Variants in FILIP1 observed in about 807,000 individuals in gnomAD.
FILIP1 encodes filamin A interacting protein 1.
FILIP1 carries 61 observed loss-of-function variants against 102.1 expected under a neutral mutation model. The ratio of observed to expected loss-of-function variants is 0.60; its 90% CI spans 0.49 to 0.74. The LOEUF is 0.74. Ranked by LOEUF, FILIP1 falls within the 30% of genes least tolerant of loss-of-function variation. FILIP1 has a pLI of 0.00. For missense variants in FILIP1, 1,314 were observed against 1,441.2 expected (o/e 0.91, Z 1.43); for synonymous variants, 491 against 526.9 (o/e 0.93, Z 0.93).
rs747008532 is a variant in FILIP1 at position 75,313,490 on chromosome 6, C to A, written c.2342G>T (p.Arg781Leu). ...ACTGGGCCTAAGAGCTCTGCTGTAG[C>A]GCTTGGAAAGCTCCAACTCTTTGGT... is the stretch of plus-strand genomic sequence containing the variant. ...NLTKELELSK[R>L]YSRALRPSVN... The change falls in exon 5 of 6, where the codon CGC (arginine) becomes CTC (leucine). Residue 781 changes from arginine (R) to leucine (L), a missense_variant. By Grantham distance (102) the Arg-to-Leu change is moderately radical. Transcript: ENST00000237172. This position sits in a 1 kb window ranked among gnomAD's most constrained non-coding sequence, Gnocchi z 4.2. The A allele has an allele frequency of 1.7e-5, 27 of 1,614,074 alleles. No homozygotes were observed. The highest frequency in any genetic ancestry group is 2.1e-5 in the Non-Finnish European group (25 of 1,180,046).
At chr6:75,351,149 C>G (rs779738107) in intron 4 of FILIP1, among the ~76,000 whole-genome samples, 55 of 152,258 alleles carry the variant, frequency 3.6e-4, no homozygotes, top group Non-Finnish European at 6.3e-4. Flanking sequence ...TCACTGCAAC[C>G]TCTGCCTCCC....
At chr6:75,389,736 A>G (rs1045712096) in intron 2 of FILIP1, among the ~76,000 whole-genome samples, 41 of 151,868 alleles carry the variant, frequency 2.7e-4, no homozygotes, top group African/African-American at 9.2e-4. Context: ...TATCATTTTT[A>G]TTGTGTTTAT....
At chr6:75,404,987 C>A (rs1016948325) in intron 2 of FILIP1, among the ~76,000 whole-genome samples, 3 of 152,148 alleles carry the variant, frequency 2.0e-5, no homozygotes, top group African/African-American at 7.2e-5. Context: ...TTCCCTCTAG[C>A]TACTGTCTTC....
At chr6:75,295,845 G>A (rs776588111) in exon 7 of FILIP1, 57 of 1,089,864 alleles carry the variant, frequency 5.2e-5, no homozygotes, top group Non-Finnish European at 6.7e-5. Context: ...TCATGATTGA[G>A]GGCTGTCCAT....
In FILIP1 at chr6:75,380,215, AAG is replaced by A. The variant is rs1554205739; in HGVS notation, c.277-17300_277-17299del. ...CATAGCCAATTAAAAGGCAAAAAAAAAGAAAGGAAATATTTGTAACAACTATG... is the reference window on the plus strand; with the variant it reads ...CATAGCCAATTAAAAGGCAAAAAAAAAAAGGAAATATTTGTAACAACTATG... On this transcript the variant is annotated intron_variant, in intron 2 of 5. Transcript: ENST00000237172. Among the ~76,000 whole-genome samples the A allele has an allele frequency of 1.4e-4, 22 of 151,832 alleles. No homozygotes were observed. The South Asian group carries it at 4.6e-3, about 32-fold the overall frequency.
chr6:75,428,416 TTGG>T (rs2149704941), intron 1 of FILIP1: 1 of 103,314 alleles, frequency 9.7e-6, no homozygotes, highest in African/African-American at 5.0e-5. Flanking sequence ...TAATAGATTA[TTGG>T]TCACCACCTC....
chr6:75,478,682 C>T (rs1377075985), intron 1 of FILIP1, among the ~76,000 whole-genome samples: 4 of 152,118 alleles, frequency 2.6e-5, no homozygotes, highest in Non-Finnish European at 4.4e-5. Context: ...TCTATAAATT[C>T]GTATGTCCGA....
downstream of FILIP1, among the ~76,000 whole-genome samples, chr6:75,304,495 C>T (rs1167523417): frequency 6.6e-6 from 1 of 152,178 alleles, no homozygotes; most frequent in African/African-American, 2.4e-5. Flanking sequence ...GGATTATAGG[C>T]GTGAGCTACC....
chr6:75,327,271 G>A (rs1450525607), intron 4 of FILIP1, among the ~76,000 whole-genome samples: 1 of 152,072 alleles, frequency 6.6e-6, no homozygotes, highest in Admixed American at 6.6e-5. Context: ...CCTGAATCCA[G>A]TTACTTCTCA....
Position 75,313,086 on chromosome 6 carries a change from G to T in FILIP1, c.2746C>A (p.Pro916Thr). ...GTCGCAGTGCTGTTCTCGTGGTCTG[G>T]TGTCACTCGAATATGCAGGGGCTGG... ...QGQPLHIRVT[P>T]DHENSTATLE... Residue 916 changes from proline (P) to threonine (T), a missense_variant, in exon 5 of 6, where the codon CCA becomes ACA. This residue lies in a region of FILIP1 where 816 missense variants were observed against 913.1 expected (regional missense o/e 0.89). Transcript: ENST00000237172. The surrounding 1 kb of genome is among the most constrained non-coding windows in gnomAD (Gnocchi z 4.2). 7 of 1,614,192 alleles carry T rather than the reference G, an allele frequency of 4.3e-6. No homozygotes were observed. The highest frequency in any genetic ancestry group is 1.1e-5 in the South Asian group (1 of 91,084).
At chr6:75,330,258 C>T (rs1774028763) in intron 4 of FILIP1, among the ~76,000 whole-genome samples, 1 of 152,210 alleles carries the variant, frequency 6.6e-6, no homozygotes, top group Admixed American at 6.5e-5. Flanking sequence ...CTAGTTCCAA[C>T]TCTGATTTCT....
intron 4 of FILIP1, among the ~76,000 whole-genome samples, chr6:75,323,150 T>C (rs1313098682): frequency 6.6e-6 from 1 of 152,236 alleles, no homozygotes; most frequent in Non-Finnish European, 1.5e-5. Flanking sequence ...AATGTGATTT[T>C]TTTTACATTT....
At chr6:75,388,281 T>C (rs1042946451) in intron 2 of FILIP1, among the ~76,000 whole-genome samples, 4 of 152,222 alleles carry the variant, frequency 2.6e-5, no homozygotes, top group African/African-American at 4.8e-5. Context: ...TTGGTTCCTA[T>C]AGGCTTATAG....
intron 1 of FILIP1, among the ~76,000 whole-genome samples, chr6:75,465,981 G>A (rs1026344750): frequency 6.6e-5 from 10 of 151,988 alleles, no homozygotes; most frequent in Admixed American, 3.3e-4. Flanking sequence ...GCTGTTCCTC[G>A]AACTGCCAAG....
intron 4 of FILIP1, among the ~76,000 whole-genome samples, chr6:75,352,011 T>C (rs575680788): frequency 1.3e-5 from 2 of 152,324 alleles, no homozygotes; most frequent in South Asian, 2.1e-4. Flanking sequence ...AAGTCTGGGA[T>C]ATAGTACACA....
rs1773391741 is a variant in FILIP1 at position 75,315,114 on chromosome 6, G to A, written c.718C>T (p.Leu240Phe). 6.2e-7 allele frequency: 1 copy of A among 1,612,100 alleles called. No individual in the cohort carries two copies. Among genetic ancestry groups the A allele is most frequent in the Non-Finnish European group, 8.5e-7 (1 of 1,179,398 alleles). ...AKRLNKLRDE[L>F]VKLKSFALML... is the part of the protein sequence containing the mutation. ...AGTGCAAAGGATTTGAGTTTAACAA[G>A]CTCATCTCTTAGTTTATTGAGTCGT... Residue 240 changes from leucine to phenylalanine, a missense_variant, in exon 5 of 6, where the codon CTT (leucine) becomes TTT (phenylalanine). Leu to Phe is a conservative substitution (Grantham distance 22). This residue lies in a region of FILIP1 where 494 missense variants were observed against 511.2 expected (regional missense o/e 0.97). Transcript: ENST00000237172.
chr6:75,317,741 C>T (rs2149556557), intron 4 of FILIP1, among the ~76,000 whole-genome samples: 1 of 152,312 alleles, frequency 6.6e-6, no homozygotes, highest in South Asian at 2.1e-4. Context: ...TATTCTCTTT[C>T]ACCACATCTT....
chr6:75,479,943 C>A (rs543166782), intron 1 of FILIP1, among the ~76,000 whole-genome samples: 1 of 138,292 alleles, frequency 7.2e-6, no homozygotes, highest in African/African-American at 2.7e-5. Flanking sequence ...TCACAAATTG[C>A]TGTTTGTATT....
chr6:75,375,369 C>T lies in FILIP1; in HGVS notation c.277-12452G>A, dbSNP rs1033594222. Reference sequence around the variant, plus strand: ...ACAACAACTGGCATAAACAGAAGAGCGAGTCTTTGGGGCACACACAACTGT... The same window carrying T: ...ACAACAACTGGCATAAACAGAAGAGTGAGTCTTTGGGGCACACACAACTGT... On this transcript the variant is annotated intron_variant, in intron 2 of 5. Transcript: ENST00000237172. Among the ~76,000 whole-genome samples, 7 of 152,252 alleles carry T rather than the reference C, an allele frequency of 4.6e-5. No homozygotes were observed. The East Asian group carries it at 9.7e-4, about 21-fold the overall frequency.
Sources: allele counts gnomAD v4.1 joint callset (sites outside exome capture counted in the v4.1 genomes callset), GRCh38; gene constraint gnomAD v4.1.1; regional missense constraint gnomAD v4.1.1; non-coding constraint Gnocchi (gnomAD v3.1); transcripts MANE v1.5; gene names NCBI Gene and HGNC (gene_info 2026-07-23, HGNC 2026-07-21).